PLOD1: variants seen among roughly 807,000 people sequenced by gnomAD.
The protein encoded by PLOD1 is lysine hydroxylase.
PLOD1 carries 70 observed loss-of-function variants against 94.7 expected under a neutral mutation model. The ratio of observed to expected loss-of-function variants is 0.74; its 90% CI spans 0.61 to 0.90. The LOEUF is 0.90. Ranked by LOEUF, PLOD1 falls within the 40% of genes least tolerant of loss-of-function variation. PLOD1 has a pLI of 0.00. For synonymous variants in PLOD1, 417 were observed against 400.2 expected (o/e 1.04, Z -0.50); for missense variants, 905 against 972.7 (o/e 0.93, Z 0.93).
chr1:11,974,938 C>A lies in PLOD1; in HGVS notation c.*130C>A. On this transcript the variant is annotated 3_prime_UTR_variant, in exon 19 of 19. Transcript: ENST00000196061. Reference sequence around the variant, plus strand: ...TGTTGACTTCCCATTGCTCTTGGAGCCACCAATCAAAGAGATTCAAAGAGA... The same window carrying A: ...TGTTGACTTCCCATTGCTCTTGGAGACACCAATCAAAGAGATTCAAAGAGA... The A allele has an allele frequency of 1.1e-6, 1 of 881,528 alleles. No homozygotes were observed. The highest frequency in any genetic ancestry group is 1.9e-6 in the Non-Finnish European group (1 of 515,970). 54.6% of individuals were successfully genotyped at this position (881,528 alleles called of 1,614,324 possible).
chr1:11,960,576 C>A, intron 9 of PLOD1, 70 bp from the exon 10 acceptor site: 2 of 1,106,314 alleles, frequency 1.8e-6, no homozygotes, highest in Non-Finnish European at 2.8e-6. Context: ...ACAGGAGGTG[C>A]TACAGTCCCT....
At position 11,947,969 on chromosome 1, in the gene PLOD1, T is replaced by C. The variant is rs371488160; in HGVS notation, c.77-7T>C. On this transcript the variant is annotated splice_region_variant and splice_polypyrimidine_tract_variant and intron_variant, in intron 1 of 18. Coordinates refer to ENST00000196061, the MANE Select transcript of PLOD1 (RefSeq NM_000302.4). ...TTCCCATTCACCATACCCTCCTCTG[T>C]CTGCAGACAACCTTTTAGTCCTCAC... 6.1e-5 allele frequency: 97 copies of C among 1,595,568 alleles called. No individual in the cohort carries two copies. Among genetic ancestry groups the C allele is most frequent in the Non-Finnish European group, 7.9e-5 (92 of 1,163,304 alleles).
At chr1:11,945,732 G>A (rs912566497) in intron 1 of PLOD1, among the ~76,000 whole-genome samples, 1 of 151,856 alleles carries the variant, frequency 6.6e-6, no homozygotes, top group African/African-American at 2.4e-5. Flanking sequence ...TTTTTGAGGT[G>A]GAGTCTTGCT....
Position 11,969,185 on chromosome 1 carries a change from C to T in PLOD1, c.1756-1485C>T, listed in dbSNP as rs145653733. 1.8e-3 allele frequency among the ~76,000 whole-genome samples: 270 copies of T among 152,136 alleles called. 3 individuals carry two copies. In the East Asian group the frequency reaches 0.019, roughly 11 times the overall value. ...GTATTTTTAGTAGAGACAGGGGTTT[C>T]ACCGTGTTTGTGAGGCTGGTCTGAA... On this transcript the variant is annotated intron_variant, in intron 16 of 18. Coordinates refer to ENST00000196061, the MANE Select transcript of PLOD1 (RefSeq NM_000302.4).
rs1163437617 is a variant in PLOD1 at position 11,972,864 on chromosome 1, T to G, written c.1903-8T>G. 6.2e-7 allele frequency: 1 copy of G among 1,613,908 alleles called. No homozygotes were observed. The highest frequency in any genetic ancestry group is 8.5e-7 in the Non-Finnish European group (1 of 1,179,876). On this transcript the variant is annotated splice_polypyrimidine_tract_variant and splice_region_variant and intron_variant, in intron 17 of 18. Transcript: ENST00000196061. The surrounding 1 kb of genome is among the most constrained non-coding windows in gnomAD (Gnocchi z 4.6). The stretch of plus-strand genomic sequence containing the variant: ...CACGGGCTCTCTTGTCCCCCTGCCT[T>G]GGTACAGGCCCAGTTTGACCTGGCC...
At chr1:11,950,542 C>T (rs139884441) in intron 4 of PLOD1, 22 bp downstream of exon 4, 176 of 1,611,844 alleles carry the variant, frequency 1.1e-4, no homozygotes, top group Middle Eastern at 9.1e-4. Flanking sequence ...GGGTGCAGGG[C>T]GCTTGGCCCA....
chr1:11,949,940 T>G, intron 3 of PLOD1, 34 bp downstream of exon 3: 1 of 1,607,370 alleles, frequency 6.2e-7, no homozygotes, highest in South Asian at 1.1e-5. Flanking sequence ...CCTGGGCCCC[T>G]CCGCGGAAGA....
intron 1 of PLOD1, among the ~76,000 whole-genome samples, chr1:11,940,096 C>T (rs1305027686): frequency 6.6e-6 from 1 of 152,104 alleles, no homozygotes; most frequent in East Asian, 1.9e-4. Flanking sequence ...GACTATAGCT[C>T]ACTGCAGCCT....
chr1:11,939,686 C>T lies in PLOD1; in HGVS notation c.76+4831C>T, dbSNP rs569206846. On this transcript the variant is annotated intron_variant, in intron 1 of 18. Coordinates refer to ENST00000196061, the MANE Select transcript of PLOD1 (RefSeq NM_000302.4). ...GAAATGGCATGATCTCAGCTCACTG[C>T]AACCTCTGCCCCCTGGGTTCAAGCA... is the stretch of plus-strand genomic sequence containing the variant. Among the ~76,000 whole-genome samples the T allele has an allele frequency of 1.8e-4, 28 of 152,258 alleles. No individual in the cohort carries two copies. In the East Asian group the frequency reaches 4.8e-3, roughly 26 times the overall value.
At chr1:11,969,957 A>C (rs545948422) in intron 16 of PLOD1, among the ~76,000 whole-genome samples, 1 of 151,690 alleles carries the variant, frequency 6.6e-6, no homozygotes, top group Admixed American at 6.6e-5. Flanking sequence ...GAATAAAATT[A>C]GTGGCTGGGT....
chr1:11,974,555 GT>G, intron 18 of PLOD1, 97 bp from the exon 19 acceptor site: 1 of 1,216,172 alleles, frequency 8.2e-7, no homozygotes, highest in Non-Finnish European at 1.2e-6. Context: ...CAGGCAGGCA[GT>G]GCTGAGGGCC....
At chr1:11,973,580 CT>C (rs976516109) in intron 18 of PLOD1, among the ~76,000 whole-genome samples, 16 of 148,184 alleles carry the variant, frequency 1.1e-4, no homozygotes, top group Admixed American at 6.1e-4. Context: ...AGCTATAATC[CT>C]TTTTTTTTTC....
intron 1 of PLOD1, chr1:11,944,409 G>A (rs2100738113): frequency 4.1e-6 from 2 of 485,026 alleles, no homozygotes; most frequent in East Asian, 1.0e-4. Flanking sequence ...ATCCTGAATT[G>A]CGCATGCACG....
chr1:11,971,163 T>A (rs1304069318), intron 17 of PLOD1, among the ~76,000 whole-genome samples: 1 of 52,568 alleles, frequency 1.9e-5, no homozygotes, highest in Admixed American at 2.0e-4. Flanking sequence ...GGGGCAGGAG[T>A]TGGTGGGGAG....
At chr1:11,954,738 C>A (rs911888728) in intron 5 of PLOD1, 92 bp from the exon 6 acceptor site, 2 of 993,534 alleles carry the variant, frequency 2.0e-6, no homozygotes, top group Non-Finnish European at 3.3e-6. Flanking sequence ...GAGGGCTGAA[C>A]TTGGGGACAG....
At position 11,958,732 on chromosome 1, in the gene PLOD1, C is replaced by G; in HGVS notation, c.975+85C>G. 6.7e-7 allele frequency: 1 copy of G among 1,496,326 alleles called. No homozygotes were observed. The highest frequency in any genetic ancestry group is 9.2e-7 in the Non-Finnish European group (1 of 1,083,362). 92.7% of individuals were successfully genotyped at this position (1,496,326 alleles called of 1,614,324 possible). The stretch of plus-strand genomic sequence containing the variant: ...AAGGTAGCCCGAGACCTCTGAGGGT[C>G]TCACCGAATCTAGCTTATCTGGGCC... On this transcript the variant is annotated intron_variant, in intron 9 of 18. Transcript: ENST00000196061. This position sits in a 1 kb window ranked among gnomAD's most constrained non-coding sequence, Gnocchi z 4.3.
intron 5 of PLOD1, among the ~76,000 whole-genome samples, chr1:11,953,105 G>A (rs1431944411): frequency 6.6e-6 from 1 of 152,102 alleles, no homozygotes; most frequent in Non-Finnish European, 1.5e-5. Flanking sequence ...GCCCAGGCTA[G>A]AGTACAGTGG....
chr1:11,937,953 C>CTTTTTTTT, intron 1 of PLOD1, among the ~76,000 whole-genome samples: 1 of 122,164 alleles, frequency 8.2e-6, no homozygotes, highest in Non-Finnish European at 1.8e-5. Context: ...TTTTCATTTT[C>CTTTTTTTT]TTTTTTTTTT....
intron 3 of PLOD1, 140 bp downstream of exon 3, chr1:11,950,046 G>A (rs530191041): frequency 1.6e-5 from 15 of 925,296 alleles, no homozygotes; most frequent in Admixed American, 3.6e-5. Flanking sequence ...GTCCATTCCC[G>A]GTCTTAGTAA....
Sources: allele counts gnomAD v4.1 joint callset (sites outside exome capture counted in the v4.1 genomes callset), GRCh38; gene constraint gnomAD v4.1.1; non-coding constraint Gnocchi (gnomAD v3.1); transcripts MANE v1.5; gene names NCBI Gene and HGNC (gene_info 2026-07-23, HGNC 2026-07-21).